PDE4D: variants seen among roughly 807,000 people sequenced by gnomAD.
PDE4D encodes 3',5'-cyclic-AMP phosphodiesterase 4D.
A neutral mutation model predicts 87.4 loss-of-function variants in PDE4D; 24 were observed. The observed-to-expected ratio is 0.27, with a 90% CI of 0.20 to 0.39. PDE4D has a LOEUF of 0.39. PDE4D is among the 10% of genes least tolerant of loss of function. PDE4D has a pLI of 1.00. For synonymous variants in PDE4D, 384 were observed against 383.2 expected (o/e 1.00, Z -0.02); for missense variants, 714 against 1,041.0 (o/e 0.69, Z 4.32).
intron 1 of PDE4D, among the ~76,000 whole-genome samples, chr5:59,685,557 A>G (rs1749717244): frequency 6.6e-6 from 1 of 152,188 alleles, no homozygotes. Context: ...GCAGAAAAAC[A>G]AAGATTTGTA....
intron 1 of PDE4D, among the ~76,000 whole-genome samples, chr5:59,845,186 C>G (rs1743642252): frequency 6.6e-6 from 1 of 152,086 alleles, no homozygotes; most frequent in Admixed American, 6.6e-5. Flanking sequence ...GCACCTGACT[C>G]CTGACCCAGG....
intron 5 of PDE4D, among the ~76,000 whole-genome samples, chr5:59,161,420 T>C (rs1781082988): frequency 6.6e-6 from 1 of 152,160 alleles, no homozygotes. Flanking sequence ...TGATTAGCAA[T>C]TGGTTGAAAG....
intron 1 of PDE4D, among the ~76,000 whole-genome samples, chr5:59,738,656 C>T (rs963684944): frequency 1.3e-5 from 2 of 151,704 alleles, no homozygotes; most frequent in East Asian, 3.9e-4. Context: ...GCATAAATGG[C>T]TACACTATCA....
intron 11 of PDE4D, among the ~76,000 whole-genome samples, chr5:58,984,327 G>T (rs1417000114): frequency 6.6e-6 from 1 of 152,098 alleles, no homozygotes; most frequent in Non-Finnish European, 1.5e-5. Flanking sequence ...CACTTATTAT[G>T]CTCCACCTTT....
At position 59,393,578 on chromosome 5, in the gene PDE4D, C is replaced by A. The variant is rs1288037078; in HGVS notation, c.456-177610G>T. On this transcript the variant is annotated intron_variant, in intron 1 of 14. Coordinates refer to ENST00000340635, the MANE Select transcript of PDE4D (RefSeq NM_001104631.2). ...TGAGATAATCTCATTCTAGTGAAGT[C>A]TTACATTATAAATGACAACACCAAT... 5.9e-5 allele frequency among the ~76,000 whole-genome samples: 9 copies of A among 152,298 alleles called. 1 individual carries two copies. In the East Asian group the frequency reaches 9.6e-4, roughly 16 times the overall value.
chr5:59,803,690 T>A (rs1272114145), intron 1 of PDE4D, among the ~76,000 whole-genome samples: 1 of 152,144 alleles, frequency 6.6e-6, no homozygotes, highest in Non-Finnish European at 1.5e-5. Flanking sequence ...TGCTCTAAGG[T>A]TTTCTTGAAA....
intron 2 of PDE4D, among the ~76,000 whole-genome samples, chr5:60,066,120 C>T (rs916174669): frequency 2.0e-5 from 3 of 151,998 alleles, no homozygotes; most frequent in Admixed American, 6.6e-5. Flanking sequence ...TTTTAATGAT[C>T]GCCATTCTAA....
chr5:60,000,221 A>G (rs1204197419), intron 2 of PDE4D, among the ~76,000 whole-genome samples: 2 of 152,158 alleles, frequency 1.3e-5, no homozygotes, highest in African/African-American at 4.8e-5. Flanking sequence ...AAGGAAATGA[A>G]CAACCAAATT....
At chr5:59,695,609 AT>A (rs201399601) in intron 1 of PDE4D, among the ~76,000 whole-genome samples, 2 of 151,656 alleles carry the variant, frequency 1.3e-5, no homozygotes, top group African/African-American at 2.4e-5. Flanking sequence ...ATTTTATTCT[AT>A]TTTTTTTCTT....
At chr5:59,479,644 C>T (rs1245538635) in intron 1 of PDE4D, among the ~76,000 whole-genome samples, 2 of 151,824 alleles carry the variant, frequency 1.3e-5, no homozygotes, top group African/African-American at 4.8e-5. Context: ...GAGATCATCA[C>T]ATGTAGTAAG....
At chr5:59,214,186 G>A (rs544885050) in intron 2 of PDE4D, among the ~76,000 whole-genome samples, 2 of 151,754 alleles carry the variant, frequency 1.3e-5, no homozygotes, top group East Asian at 1.9e-4. Flanking sequence ...TGTGAATTTC[G>A]ACATGAAATA....
At chr5:59,566,060 C>T (rs1260287334) in intron 1 of PDE4D, among the ~76,000 whole-genome samples, 2 of 152,082 alleles carry the variant, frequency 1.3e-5, no homozygotes. Flanking sequence ...ACTACTATAC[C>T]ACCTCTTAGC....
intron 1 of PDE4D, among the ~76,000 whole-genome samples, chr5:60,360,937 G>A (rs1190255377): frequency 6.6e-6 from 1 of 152,180 alleles, no homozygotes; most frequent in Non-Finnish European, 1.5e-5. Flanking sequence ...AATTATTTTA[G>A]GAAATGAACT....
At position 59,340,912 on chromosome 5, in the gene PDE4D, T is replaced by G. The variant is rs192979937; in HGVS notation, c.456-124944A>C. The stretch of plus-strand genomic sequence containing the variant: ...CTCCATTGTGTGTATGTACCATATT[T>G]TCTTTATCCGTTAATTGGCTGATGG... On this transcript the variant is annotated intron_variant, in intron 1 of 14. Coordinates refer to ENST00000340635, the MANE Select transcript of PDE4D (RefSeq NM_001104631.2). 1.0e-3 allele frequency among the ~76,000 whole-genome samples: 155 copies of G among 152,320 alleles called. 2 individuals carry two copies. The South Asian group carries it at 0.014, about 14-fold the overall frequency.
At chr5:59,675,473 T>C (rs751382657) in intron 1 of PDE4D, among the ~76,000 whole-genome samples, 1 of 152,164 alleles carries the variant, frequency 6.6e-6, no homozygotes, top group Non-Finnish European at 1.5e-5. Flanking sequence ...TTTGGCAAAA[T>C]ATCAAATGTT....
chr5:59,526,852 C>G (rs2153677237), intron 1 of PDE4D, among the ~76,000 whole-genome samples: 1 of 152,216 alleles, frequency 6.6e-6, no homozygotes, highest in East Asian at 1.9e-4. Context: ...TCTCAAACTC[C>G]TGGGCTCAAG....
rs192829573 is a variant in PDE4D, at chr5:59,373,004, G to T, written c.456-157036C>A. ...TCAAACCCTCAAGGTCATCAAATAG[G>T]ATAAAAGGAAAAAAAAAACATTCAA... On this transcript the variant is annotated intron_variant, in intron 1 of 14. Transcript: ENST00000340635. 1.0e-3 allele frequency among the ~76,000 whole-genome samples: 139 copies of T among 133,544 alleles called. 4 individuals carry two copies. The highest frequency in any genetic ancestry group is 0.01 in the Admixed American group (137 of 13,446). 87.6% of individuals were successfully genotyped at this position (133,544 alleles called of 152,430 possible).
At chr5:59,010,928 C>T (rs1752663625) in intron 6 of PDE4D, among the ~76,000 whole-genome samples, 1 of 152,086 alleles carries the variant, frequency 6.6e-6, no homozygotes, top group Non-Finnish European at 1.5e-5. Context: ...GCCAGATGCC[C>T]CTCTGAGATG....
intron 1 of PDE4D, among the ~76,000 whole-genome samples, chr5:59,279,262 A>C (rs1765376455): frequency 6.6e-6 from 1 of 152,074 alleles, no homozygotes; most frequent in South Asian, 2.1e-4. Flanking sequence ...AGACCAGGGG[A>C]CTGCAGTTTT....
Sources: gnomAD v4.1 joint callset for allele counts (sites outside exome capture counted in the v4.1 genomes callset) on GRCh38, gnomAD v4.1.1 for gene constraint, MANE v1.5 for transcripts, NCBI Gene and HGNC (gene_info 2026-07-23, HGNC 2026-07-21) for gene names.